Variants in KIF16B observed in about 807,000 individuals in gnomAD.
KIF16B encodes the protein kinesin family member 16B, also known as kinesin-like protein KIF16B.
In KIF16B, 98 loss-of-function variants were observed where a neutral mutation model predicts 156.3. That is an observed-to-expected ratio of 0.63 (90% CI 0.53 to 0.74). KIF16B has a LOEUF of 0.74. KIF16B is among the 30% of genes least tolerant of loss of function. The pLI, the probability that KIF16B is intolerant of heterozygous loss-of-function variation, is 0.00. For synonymous variants in KIF16B, 564 were observed against 583.7 expected, an observed-to-expected ratio of 0.97 and a Z score of 0.49; for missense variants, 1,421 against 1,606.5, an observed-to-expected ratio of 0.88 and a Z score of 1.97.
intron 17 of KIF16B, among the ~76,000 whole-genome samples, chr20:16,384,207 A>T (rs1021648878): frequency 2.6e-5 from 4 of 152,166 alleles, no homozygotes; most frequent in African/African-American, 9.7e-5. Flanking sequence ...AAAATTGAAC[A>T]CAGTGTCACG....
At position 16,404,889 on chromosome 20, in the gene KIF16B, A is replaced by T. The variant is rs2065743064; in HGVS notation, c.1708T>A (p.Ser570Thr). 6.2e-7 allele frequency: 1 copy of T among 1,613,032 alleles called. No individual in the cohort carries two copies. Among genetic ancestry groups the T allele is most frequent in the Non-Finnish European group, 8.5e-7 (1 of 1,179,460 alleles). Residue 570 changes from serine (S) to threonine (T), a missense_variant, in exon 17 of 26, where the codon TCC becomes ACC. Coordinates refer to ENST00000354981, the MANE Select transcript of KIF16B (RefSeq NM_024704.5). ...TCGGTCATGGACAAGCTGAAGGAGG[A>T]CAGAAGGCCACTCTAAGGGCAGACA... ...LREKRKSGLL[S>T]SFSLSMTDLS...
chr20:16,387,539 C>T (rs2065257844), intron 17 of KIF16B, among the ~76,000 whole-genome samples: 1 of 152,122 alleles, frequency 6.6e-6, no homozygotes, highest in South Asian at 2.1e-4. Flanking sequence ...CAAAGAAAGT[C>T]TCCATGCTGA....
At chr20:16,481,076 T>G (rs942158344) in intron 12 of KIF16B, among the ~76,000 whole-genome samples, 1 of 151,872 alleles carries the variant, frequency 6.6e-6, no homozygotes, top group African/African-American at 2.4e-5. Context: ...TCAGGACACT[T>G]TCGTCAAAAA....
chr20:16,309,071 G>A (rs1204072115), intron 25 of KIF16B, among the ~76,000 whole-genome samples: 1 of 146,144 alleles, frequency 6.8e-6, no homozygotes, highest in East Asian at 2.1e-4. Context: ...TGGTTGAGCT[G>A]GGCCAGGATG....
chr20:16,366,003 G>A (rs767045326), intron 22 of KIF16B, among the ~76,000 whole-genome samples: 2 of 152,146 alleles, frequency 1.3e-5, no homozygotes, highest in Non-Finnish European at 2.9e-5. Flanking sequence ...GAGAACAGTG[G>A]CAGAGCACCT....
intron 24 of KIF16B, among the ~76,000 whole-genome samples, chr20:16,312,779 T>TTA (rs1342917929): frequency 6.6e-6 from 1 of 151,820 alleles, no homozygotes; most frequent in Admixed American, 6.6e-5. Flanking sequence ...CCCACCCTTT[T>TTA]TTTTTTTTTA....
intron 25 of KIF16B, among the ~76,000 whole-genome samples, chr20:16,288,827 T>G (rs1601498427): frequency 1.3e-5 from 2 of 152,132 alleles, no homozygotes; most frequent in East Asian, 1.9e-4. Flanking sequence ...ATAAGGTTAT[T>G]GGGATCCCAT....
At chr20:16,339,991 T>C (rs887429250) in intron 23 of KIF16B, among the ~76,000 whole-genome samples, 1 of 152,284 alleles carries the variant, frequency 6.6e-6, no homozygotes, top group Non-Finnish European at 1.5e-5. Flanking sequence ...TCTTTGCTCA[T>C]ATGAAGCATC....
intron 17 of KIF16B, among the ~76,000 whole-genome samples, chr20:16,392,029 G>A (rs1489511656): frequency 2.0e-5 from 3 of 152,150 alleles, no homozygotes; most frequent in Admixed American, 6.5e-5. Flanking sequence ...TCTCTTTGCC[G>A]TAAGAAATAA....
chr20:16,293,603 C>T (rs192064497), intron 25 of KIF16B, among the ~76,000 whole-genome samples: 108 of 151,936 alleles, frequency 7.1e-4, no homozygotes, highest in Non-Finnish European at 1.3e-3. Context: ...AGGAAGCAGG[C>T]GAAACAATTC....
At chr20:16,361,095 T>C (rs1482710886) in intron 22 of KIF16B, among the ~76,000 whole-genome samples, 2 of 152,244 alleles carry the variant, frequency 1.3e-5, no homozygotes, top group Non-Finnish European at 2.9e-5. Context: ...CAGGCAAACC[T>C]GGCTTTTTAT....
chr20:16,465,701 G>A (rs938971155), intron 12 of KIF16B, among the ~76,000 whole-genome samples: 3 of 151,850 alleles, frequency 2.0e-5, no homozygotes, highest in Non-Finnish European at 4.4e-5. Flanking sequence ...CATGCATTCA[G>A]TCACATCACA....
intron 25 of KIF16B, among the ~76,000 whole-genome samples, chr20:16,306,145 G>C (rs184766078): frequency 6.6e-6 from 1 of 152,290 alleles, no homozygotes; most frequent in African/African-American, 2.4e-5. Context: ...AAGCTTGCAT[G>C]GTTCCTGTGG....
chr20:16,565,180 C>T (rs559475384), intron 1 of KIF16B, among the ~76,000 whole-genome samples: 9 of 152,266 alleles, frequency 5.9e-5, no homozygotes, highest in South Asian at 4.1e-4. Flanking sequence ...GGCCTCAGGA[C>T]GCTTTTATAG....
At chr20:16,288,466 G>A (rs866187028) in intron 25 of KIF16B, among the ~76,000 whole-genome samples, 2 of 151,870 alleles carry the variant, frequency 1.3e-5, no homozygotes, top group African/African-American at 4.8e-5. Flanking sequence ...GCATCTGTAT[G>A]GTATGTACCT....
chr20:16,562,558 C>T (rs1258552291), intron 1 of KIF16B, among the ~76,000 whole-genome samples: 1 of 152,080 alleles, frequency 6.6e-6, no homozygotes, highest in Non-Finnish European at 1.5e-5. Context: ...AAGTAAGAGG[C>T]ATGTGTGGAG....
At chr20:16,428,357 A>G (rs925808797) in intron 14 of KIF16B, among the ~76,000 whole-genome samples, 2 of 152,122 alleles carry the variant, frequency 1.3e-5, no homozygotes, top group African/African-American at 4.8e-5. Context: ...ATCTTGCCAC[A>G]CACATATACA....
At chr20:16,494,162 C>T in intron 12 of KIF16B, 129 bp downstream of exon 12, 1 of 625,254 alleles carries the variant, frequency 1.6e-6, no homozygotes, top group Non-Finnish European at 2.8e-6. Flanking sequence ...ATGAAAGTCA[C>T]TAATTGGTTC....
At chr20:16,517,813 T>C (rs966856019) in intron 3 of KIF16B, among the ~76,000 whole-genome samples, 6 of 152,188 alleles carry the variant, frequency 3.9e-5, no homozygotes, top group Non-Finnish European at 8.8e-5. Context: ...GCAAATACCA[T>C]TTTTTATGAA....
Sources: allele counts gnomAD v4.1 joint callset (sites outside exome capture counted in the v4.1 genomes callset), GRCh38; gene constraint gnomAD v4.1.1; transcripts MANE v1.5; gene names NCBI Gene and HGNC (gene_info 2026-07-23, HGNC 2026-07-21).